Variants in EPS15 observed in about 807,000 individuals in gnomAD.
The protein encoded by EPS15 is epidermal growth factor receptor substrate 15.
Under a neutral mutation model 113.8 loss-of-function variants are expected in EPS15, and 72 were observed. That is an observed-to-expected ratio of 0.63 (90% CI 0.52 to 0.77). EPS15 has a LOEUF of 0.77. EPS15 is among the 30% of genes least tolerant of loss of function. The pLI is 0.00. For missense variants in EPS15, 1,048 were observed against 1,045.8 expected (o/e 1.00, Z -0.03); for synonymous variants, 344 against 363.4 (o/e 0.95, Z 0.61).
rs61195721 is a variant in EPS15, at chr1:51,387,294, T to C, written c.2119+7087A>G. On this transcript the variant is annotated intron_variant, in intron 21 of 24. Coordinates refer to ENST00000371733, the MANE Select transcript of EPS15 (RefSeq NM_001981.3). Reference sequence around the variant, plus strand: ...TGAGAGATTTTGTCACCACCAGACCTGCCCTAAAAGAGCTCCTGAAGGAAG... The same window carrying C: ...TGAGAGATTTTGTCACCACCAGACCCGCCCTAAAAGAGCTCCTGAAGGAAG... Among the ~76,000 whole-genome samples, 1,075 of 152,046 alleles carry C rather than the reference T, an allele frequency of 7.1e-3. 7 individuals are homozygous for C. Among genetic ancestry groups the C allele is most frequent in the African/African-American group, 0.025 (1,032 of 41,470 alleles).
intron 21 of EPS15, among the ~76,000 whole-genome samples, chr1:51,384,130 T>G (rs1647002793): frequency 6.6e-6 from 1 of 152,080 alleles, no homozygotes; most frequent in East Asian, 1.9e-4. Flanking sequence ...GACTTAATAT[T>G]TTTAAGTTGG....
chr1:51,517,054 G>C (rs1251257295), intron 1 of EPS15, among the ~76,000 whole-genome samples: 1 of 152,102 alleles, frequency 6.6e-6, no homozygotes, highest in Non-Finnish European at 1.5e-5. Context: ...ATTGGGCTCA[G>C]GCAGTTATAA....
intron 6 of EPS15, among the ~76,000 whole-genome samples, chr1:51,464,884 A>AT: frequency 6.6e-6 from 1 of 152,372 alleles, no homozygotes; most frequent in East Asian, 1.9e-4. Flanking sequence ...ATAATGCAAA[A>AT]TACCTATTTC....
rs574932714 is a variant in EPS15, at chr1:51,482,142, T to C, written c.34-828A>G. ...CTGTGACTCTGTGACTGTACTCAAG[T>C]CTGGTTAACAGACTGAGACCCTGTC... On this transcript the variant is annotated intron_variant, in intron 1 of 24. Transcript: ENST00000371733. Among the ~76,000 whole-genome samples, 3 of 152,164 alleles carry C rather than the reference T, an allele frequency of 2.0e-5. No homozygotes were observed. The East Asian group carries it at 5.8e-4, about 29-fold the overall frequency.
chr1:51,428,103 A>T (rs1211522263), intron 12 of EPS15, among the ~76,000 whole-genome samples: 1 of 141,092 alleles, frequency 7.1e-6, no homozygotes, highest in Non-Finnish European at 1.6e-5. Flanking sequence ...TGCTGGAAGG[A>T]AAAAAAAAAC....
intron 21 of EPS15, among the ~76,000 whole-genome samples, chr1:51,381,679 T>C (rs72694153): frequency 0.022 from 3,336 of 152,088 alleles, 32 homozygotes; most frequent in Middle Eastern, 0.034. Flanking sequence ...CTAGACGACC[T>C]ACAAATAGGT....
chr1:51,413,495 G>A (rs574456042), intron 13 of EPS15, among the ~76,000 whole-genome samples: 5 of 152,134 alleles, frequency 3.3e-5, no homozygotes, highest in East Asian at 3.9e-4. Context: ...TGGGAAACAC[G>A]CATGAGACTG....
chr1:51,445,715 A>G (rs1652988641), intron 10 of EPS15, among the ~76,000 whole-genome samples: 1 of 152,196 alleles, frequency 6.6e-6, no homozygotes, highest in African/African-American at 2.4e-5. Context: ...GGCCTGATGA[A>G]AAGACTACAT....
chr1:51,432,334 GTATGTATGTATGTATA>G (rs1651802152), intron 12 of EPS15, among the ~76,000 whole-genome samples: 1 of 149,596 alleles, frequency 6.7e-6, no homozygotes, highest in African/African-American at 2.5e-5. Context: ...ATGTATGTAT[GTATGTATGTATGTATA>G]TATTTAATAG....
chr1:51,361,120 T>C (rs779852407), intron 24 of EPS15, 51 bp downstream of exon 24: 1 of 1,384,422 alleles, frequency 7.2e-7, no homozygotes, highest in Non-Finnish European at 1.0e-6. Flanking sequence ...AAATAATCTC[T>C]GAAAACTCTT....
intron 2 of EPS15, among the ~76,000 whole-genome samples, chr1:51,478,922 C>T (rs1341714238): frequency 6.6e-6 from 1 of 152,098 alleles, no homozygotes; most frequent in African/African-American, 2.4e-5. Context: ...GTGAATCTGA[C>T]AATTATGTGG....
chr1:51,476,625 T>G (rs1440422185), intron 2 of EPS15, among the ~76,000 whole-genome samples: 1 of 152,190 alleles, frequency 6.6e-6, no homozygotes, highest in Non-Finnish European at 1.5e-5. Flanking sequence ...TCTATCAATT[T>G]TGTTGATCTT....
intron 3 of EPS15, among the ~76,000 whole-genome samples, chr1:51,471,949 C>T (rs1281100416): frequency 2.0e-5 from 3 of 151,994 alleles, no homozygotes; most frequent in Non-Finnish European, 2.9e-5. Context: ...GACAGCTTTG[C>T]ACGTGGCCCA....
At chr1:51,457,537 C>CA in intron 8 of EPS15, 1 of 97,578 alleles carries the variant, frequency 1.0e-5, no homozygotes, top group East Asian at 2.6e-4. Flanking sequence ...TTTTTTTTTC[C>CA]AGATTCTGGA....
intron 1 of EPS15, among the ~76,000 whole-genome samples, chr1:51,489,148 AAAAAC>A (rs1224496701): frequency 1.1e-4 from 17 of 151,736 alleles, no homozygotes; most frequent in South Asian, 2.1e-4. Context: ...TGTAAAAAAA[AAAAAC>A]AAAACAAAAG....
intron 4 of EPS15, among the ~76,000 whole-genome samples, chr1:51,468,957 G>A (rs563884475): frequency 2.8e-4 from 42 of 151,908 alleles, no homozygotes; most frequent in South Asian, 6.2e-4. Flanking sequence ...GAGAAACCCC[G>A]TCTCTCTACT....
chr1:51,514,850 T>C (rs768330007), intron 1 of EPS15, among the ~76,000 whole-genome samples: 10 of 152,220 alleles, frequency 6.6e-5, no homozygotes, highest in Non-Finnish European at 1.0e-4. Flanking sequence ...TTCCTGAGTA[T>C]ATCGAACCAT....
intron 23 of EPS15, among the ~76,000 whole-genome samples, chr1:51,363,319 G>T (rs148280000): frequency 6.7e-6 from 1 of 149,472 alleles, no homozygotes; most frequent in African/African-American, 2.4e-5. Flanking sequence ...AAAAAAAGAG[G>T]AATATTTTAA....
chr1:51,518,491 G>C, intron 1 of EPS15: 1 of 153,100 alleles, frequency 6.5e-6, no homozygotes, highest in Non-Finnish European at 1.5e-5. Context: ...GACGTGGGTG[G>C]CAAAAGGCTG....
Sources: gnomAD v4.1 joint callset for allele counts (sites outside exome capture counted in the v4.1 genomes callset) on GRCh38, gnomAD v4.1.1 for gene constraint, MANE v1.5 for transcripts, NCBI Gene and HGNC (gene_info 2026-07-23, HGNC 2026-07-21) for gene names.